Variants in UGT1A9 observed in about 807,000 individuals in gnomAD.
UGT1A9 encodes the protein UDP-glucuronosyltransferase 1A9.
Under a neutral mutation model 45.0 loss-of-function variants are expected in UGT1A9, and 35 were observed. The observed-to-expected ratio is 0.78, with a 90% CI of 0.59 to 1.03. UGT1A9 has a LOEUF of 1.03. Among genes scored for constraint, UGT1A9 ranks in the 50% least tolerant of loss-of-function variants. The pLI is 0.00. For missense variants in UGT1A9, 687 were observed against 666.6 expected, an observed-to-expected ratio of 1.03 and a Z score of -0.34; for synonymous variants, 278 against 250.6, an observed-to-expected ratio of 1.11 and a Z score of -1.03.
intron 1 of UGT1A9, chr2:233,693,807 T>C (rs1404347654): frequency 6.2e-7 from 1 of 1,614,252 alleles, no homozygotes; most frequent in African/African-American, 1.3e-5. Flanking sequence ...AGGCCGGTCA[T>C]GCCCAACATG....
At chr2:233,748,877 GAAT>G (rs1390549231) in intron 1 of UGT1A9, among the ~76,000 whole-genome samples, 4 of 151,560 alleles carry the variant, frequency 2.6e-5, no homozygotes, top group Non-Finnish European at 4.4e-5. Flanking sequence ...GGACGGTGAT[GAAT>G]GGACATGTGT....
chr2:233,719,181 T>C (rs2076734729), intron 1 of UGT1A9: 4 of 1,614,240 alleles, frequency 2.5e-6, no homozygotes, highest in Non-Finnish European at 3.4e-6. Flanking sequence ...GAACAATGTA[T>C]CTTTGGCCCT....
At chr2:233,692,519 T>C (rs2075099772) in intron 1 of UGT1A9, among the ~76,000 whole-genome samples, 1 of 152,124 alleles carries the variant, frequency 6.6e-6, no homozygotes, top group Non-Finnish European at 1.5e-5. Flanking sequence ...GTGGGGTCCG[T>C]GCTAACTCAG....
chr2:233,679,059 T>G (rs1055424061), intron 1 of UGT1A9, among the ~76,000 whole-genome samples: 2 of 152,218 alleles, frequency 1.3e-5, no homozygotes, highest in Non-Finnish European at 1.5e-5. Context: ...CCAGATTCTC[T>G]TCCATAGTAT....
chr2:233,746,482 T>A (rs1022385287), intron 1 of UGT1A9, among the ~76,000 whole-genome samples: 2 of 151,822 alleles, frequency 1.3e-5, no homozygotes, highest in Non-Finnish European at 2.9e-5. Context: ...ACACTTTCCA[T>A]GGACATGTCA....
chr2:233,742,512 C>A (rs924249262), intron 1 of UGT1A9, among the ~76,000 whole-genome samples: 2 of 151,876 alleles, frequency 1.3e-5, no homozygotes, highest in African/African-American at 4.9e-5. Context: ...ATCATGAACA[C>A]GTCACAGTGC....
intron 1 of UGT1A9, among the ~76,000 whole-genome samples, chr2:233,739,832 A>C (rs1448736467): frequency 1.3e-5 from 2 of 152,016 alleles, no homozygotes; most frequent in Non-Finnish European, 2.9e-5. Flanking sequence ...GTGAAAAGAC[A>C]TGAGATTTGG....
At position 233,769,031 on chromosome 2, in the gene UGT1A9, T is replaced by A. The variant is rs1307617494; in HGVS notation, c.1295+592T>A. ...CAATTTACATAAAAAGTTGCCATAA[T>A]AGACATCTGATCCATAAGTTTCCTG... On this transcript the variant is annotated intron_variant, in intron 4 of 4. Transcript: ENST00000354728. The surrounding 1 kb of genome is among the most constrained non-coding windows in gnomAD (Gnocchi z 4.4). 6.6e-6 allele frequency among the ~76,000 whole-genome samples: 1 copy of A among 152,206 alleles called. No individual in the cohort carries two copies. The highest frequency in any genetic ancestry group is 1.5e-5 in the Non-Finnish European group (1 of 68,040).
chr2:233,732,680 C>G (rs899691828), intron 1 of UGT1A9, among the ~76,000 whole-genome samples: 5 of 151,938 alleles, frequency 3.3e-5, no homozygotes, highest in South Asian at 2.1e-4. Flanking sequence ...TGTTTTGGTA[C>G]CAGCACCCAT....
At chr2:233,755,025 G>C (rs766586741) in intron 1 of UGT1A9, 29 of 1,306,918 alleles carry the variant, frequency 2.2e-5, no homozygotes, top group Admixed American at 7.6e-5. Context: ...GTCCTTGAAG[G>C]GCCTGCCGCC....
intron 1 of UGT1A9, among the ~76,000 whole-genome samples, chr2:233,710,292 T>A (rs754127967): frequency 6.6e-6 from 1 of 152,204 alleles, no homozygotes. Context: ...AAAGTGGGAT[T>A]GTTGGGTTGC....
chr2:233,676,744 T>C (rs1236450917), intron 1 of UGT1A9, among the ~76,000 whole-genome samples: 3 of 152,204 alleles, frequency 2.0e-5, no homozygotes, highest in Non-Finnish European at 4.4e-5. Context: ...TTCATCGTGG[T>C]AAAACTGGGT....
chr2:233,720,944 CAT>C (rs1354366294), intron 1 of UGT1A9, among the ~76,000 whole-genome samples: 52 of 150,934 alleles, frequency 3.4e-4, no homozygotes, highest in African/African-American at 1.1e-3. Flanking sequence ...CTCCTGACCT[CAT>C]GTGATCTGCC....
intron 1 of UGT1A9, among the ~76,000 whole-genome samples, chr2:233,690,222 A>G (rs186442417): frequency 7.9e-5 from 12 of 152,318 alleles, no homozygotes; most frequent in African/African-American, 2.2e-4. Context: ...CCATTTTAGT[A>G]TTCTAGATTC....
chr2:233,749,920 A>G (rs1428594546), intron 1 of UGT1A9, among the ~76,000 whole-genome samples: 1 of 151,914 alleles, frequency 6.6e-6, no homozygotes, highest in Non-Finnish European at 1.5e-5. Flanking sequence ...CTGTGAGTCA[A>G]TTAAAGCTCT....
rs752968297 is a variant in UGT1A9 at position 233,768,220 on chromosome 2, G to T, written c.1076G>T (p.Gly359Val). 65 of 1,614,160 alleles carry T rather than the reference G, an allele frequency of 4.0e-5. No homozygotes were observed. In the Admixed American group the frequency reaches 1.0e-3, roughly 25 times the overall value. Residue 359 changes from glycine to valine, a missense_variant and splice_region_variant, in exon 4 of 5, where the codon GGT (glycine) becomes GTT (valine). Gly to Val is a moderately radical substitution (Grantham distance 109, BLOSUM62 -3). Transcript: ENST00000354728. Reference sequence around the variant, plus strand: ...ACATCCTCCCTATTTTGCATCTCAGGTCACCCGATGACCCGTGCCTTTATC... The same window carrying T: ...ACATCCTCCCTATTTTGCATCTCAGTTCACCCGATGACCCGTGCCTTTATC... ...VKWLPQNDLL[G>V]HPMTRAFITH...
intron 1 of UGT1A9, among the ~76,000 whole-genome samples, chr2:233,720,881 T>C (rs1341261377): frequency 6.6e-6 from 1 of 150,882 alleles, no homozygotes; most frequent in Non-Finnish European, 1.5e-5. Flanking sequence ...ATTTTTTTTT[T>C]TTTTTTTTTA....
At chr2:233,735,135 T>C (rs1287914959) in intron 1 of UGT1A9, among the ~76,000 whole-genome samples, 4 of 152,188 alleles carry the variant, frequency 2.6e-5, no homozygotes, top group Non-Finnish European at 4.4e-5. Flanking sequence ...CTCATTATTA[T>C]TGTGTGGGAG....
intron 1 of UGT1A9, among the ~76,000 whole-genome samples, chr2:233,722,827 A>G (rs908422971): frequency 6.7e-6 from 1 of 149,568 alleles, no homozygotes; most frequent in East Asian, 1.9e-4. Context: ...GTTATTTTGT[A>G]TTATAATAAG....
Sources: allele counts gnomAD v4.1 joint callset (sites outside exome capture counted in the v4.1 genomes callset), GRCh38; gene constraint gnomAD v4.1.1; non-coding constraint Gnocchi (gnomAD v3.1); transcripts MANE v1.5; gene names NCBI Gene and HGNC (gene_info 2026-07-23, HGNC 2026-07-21).